RGS7: variants seen among roughly 807,000 people sequenced by gnomAD.
RGS7 encodes regulator of G protein signaling 7.
Under a neutral mutation model 81.1 loss-of-function variants are expected in RGS7, and 27 were observed. The observed-to-expected ratio is 0.33, with a 90% confidence interval of 0.25 to 0.46. The LOEUF is 0.46. Among genes scored for constraint, RGS7 ranks in the 20% least tolerant of loss-of-function variants. The pLI is 1.00. For synonymous variants in RGS7, 208 were observed against 207.7 expected (o/e 1.00, Z -0.01); for missense variants, 396 against 607.4 (o/e 0.65, Z 3.66).
chr1:240,833,240 A>G (rs1391493149), intron 9 of RGS7, among the ~76,000 whole-genome samples: 1 of 152,224 alleles, frequency 6.6e-6, no homozygotes, highest in East Asian at 1.9e-4. Flanking sequence ...TGGGTACCAC[A>G]GACAGCGTGG....
At chr1:240,983,552 T>G (rs1297275618) in intron 3 of RGS7, among the ~76,000 whole-genome samples, 1 of 152,176 alleles carries the variant, frequency 6.6e-6, no homozygotes, top group Non-Finnish European at 1.5e-5. Flanking sequence ...ACCAAATTTG[T>G]TTTTGGTTTT....
At chr1:241,048,612 C>T (rs2061078433) in intron 3 of RGS7, among the ~76,000 whole-genome samples, 2 of 152,148 alleles carry the variant, frequency 1.3e-5, no homozygotes, top group South Asian at 4.1e-4. Flanking sequence ...TAAATCAGGG[C>T]TGCGATGTTC....
At chr1:240,968,453 G>A (rs1682686442) in intron 4 of RGS7, among the ~76,000 whole-genome samples, 1 of 152,078 alleles carries the variant, frequency 6.6e-6, no homozygotes, top group Admixed American at 6.6e-5. Context: ...ACTGTAATGG[G>A]CCTCAAAGCC....
At chr1:241,126,743 T>A (rs1187607481) in intron 2 of RGS7, among the ~76,000 whole-genome samples, 1 of 152,036 alleles carries the variant, frequency 6.6e-6, no homozygotes, top group Non-Finnish European at 1.5e-5. Flanking sequence ...AAATGCTACA[T>A]AAATGTTAGC....
chr1:241,066,913 A>C (rs2062095806), intron 3 of RGS7, among the ~76,000 whole-genome samples: 1 of 152,214 alleles, frequency 6.6e-6, no homozygotes, highest in Admixed American at 6.5e-5. Context: ...CAAATAATTA[A>C]CTTATAGTGG....
At chr1:241,070,390 A>C (rs899281567) in intron 3 of RGS7, among the ~76,000 whole-genome samples, 4 of 150,550 alleles carry the variant, frequency 2.7e-5, no homozygotes, top group African/African-American at 9.7e-5. Flanking sequence ...CAATTCATTT[A>C]TGACTTTTCA....
chr1:241,063,453 A>G (rs1271384498), intron 3 of RGS7, among the ~76,000 whole-genome samples: 1 of 152,176 alleles, frequency 6.6e-6, no homozygotes, highest in Non-Finnish European at 1.5e-5. Context: ...CCACACAGAG[A>G]TTCAGAGCAG....
At chr1:241,181,438 A>C (rs532292639) in intron 2 of RGS7, among the ~76,000 whole-genome samples, 1 of 152,352 alleles carries the variant, frequency 6.6e-6, no homozygotes, top group South Asian at 2.1e-4. Context: ...AGTAATAATT[A>C]AATGCGATAA....
intron 2 of RGS7, among the ~76,000 whole-genome samples, chr1:241,199,551 A>G (rs1017985307): frequency 4.6e-5 from 7 of 152,168 alleles, no homozygotes; most frequent in African/African-American, 1.7e-4. Flanking sequence ...TGCCAGTGTT[A>G]CTTACATTTG....
intron 3 of RGS7, among the ~76,000 whole-genome samples, chr1:241,032,881 G>A (rs2060146153): frequency 6.6e-6 from 1 of 152,110 alleles, no homozygotes; most frequent in Admixed American, 6.6e-5. Flanking sequence ...GTCTTTTGGA[G>A]GAGTCTTTAG....
At chr1:240,870,251 A>G (rs1005678136) in intron 6 of RGS7, 132 bp from the exon 7 acceptor site, 2 of 756,942 alleles carry the variant, frequency 2.6e-6, no homozygotes, top group African/African-American at 3.5e-5. Flanking sequence ...TCTTAGACAA[A>G]AAATAATTAT....
chr1:241,291,589 C>CTTTTTTTTTTTTTTTTTTTT (rs1237514486), intron 2 of RGS7, among the ~76,000 whole-genome samples: 2 of 40,802 alleles, frequency 4.9e-5, no homozygotes, highest in African/African-American at 9.1e-5. Flanking sequence ...TTTTTTTTTG[C>CTTTTTTTTTTTTTTTTTTTT]TTTTTTGAGA....
intron 2 of RGS7, among the ~76,000 whole-genome samples, chr1:241,203,980 C>T (rs555359103): frequency 6.6e-6 from 1 of 152,286 alleles, no homozygotes; most frequent in East Asian, 1.9e-4. Flanking sequence ...AGGTCAAATA[C>T]AACAGGAGCT....
chr1:241,298,300 G>T (rs1333021489), intron 2 of RGS7, among the ~76,000 whole-genome samples: 1 of 152,202 alleles, frequency 6.6e-6, no homozygotes, highest in African/African-American at 2.4e-5. Flanking sequence ...ATCACAGAAA[G>T]AATTAATTAG....
Position 240,827,182 on chromosome 1 carries a change from GA to G in RGS7, c.610-11del, listed in dbSNP as rs779323738. Reference sequence around the variant, plus strand: ...TATTTACACATCCAGGCTGGGAATGGAAAAACAGAGAGACAAATGAATCTTT... The same window carrying G: ...TATTTACACATCCAGGCTGGGAATGGAAAACAGAGAGACAAATGAATCTTT... On this transcript the variant is annotated splice_polypyrimidine_tract_variant and intron_variant, in intron 9 of 18. Transcript: ENST00000440928. 4 of 1,599,606 alleles carry G rather than the reference GA, an allele frequency of 2.5e-6. No homozygotes were observed. The African/African-American group carries it at 4.0e-5, about 16-fold the overall frequency.
chr1:241,198,088 C>T (rs1463546861), intron 2 of RGS7, among the ~76,000 whole-genome samples: 2 of 151,750 alleles, frequency 1.3e-5, no homozygotes, highest in Non-Finnish European at 2.9e-5. Flanking sequence ...GGACTTGGAA[C>T]ATAGACTATT....
chr1:240,900,413 A>T (rs951419907), intron 6 of RGS7, among the ~76,000 whole-genome samples: 3 of 152,096 alleles, frequency 2.0e-5, no homozygotes, highest in Non-Finnish European at 4.4e-5. Context: ...GTTACTCCCC[A>T]TCTTTGTGGT....
intron 4 of RGS7, among the ~76,000 whole-genome samples, chr1:240,939,461 T>C (rs1362109402): frequency 1.3e-5 from 2 of 152,076 alleles, no homozygotes; most frequent in African/African-American, 2.4e-5. Context: ...TTTTTGACTG[T>C]CTGTAAAATT....
intron 6 of RGS7, among the ~76,000 whole-genome samples, chr1:240,879,132 G>A (rs1458996838): frequency 6.6e-6 from 1 of 152,114 alleles, no homozygotes; most frequent in Non-Finnish European, 1.5e-5. Context: ...GCTTGAGAGA[G>A]GTGCATTAAA....
Sources: gnomAD v4.1 joint callset for allele counts (sites outside exome capture counted in the v4.1 genomes callset) on GRCh38, gnomAD v4.1.1 for gene constraint, MANE v1.5 for transcripts, NCBI Gene and HGNC (gene_info 2026-07-23, HGNC 2026-07-21) for gene names.